The following PDGFB variants were observed in gnomAD, a reference collection of about 807,000 sequenced individuals.
PDGFB encodes platelet-derived growth factor subunit B.
In PDGFB, 6 loss-of-function variants were observed where a neutral mutation model predicts 29.0. That is an observed-to-expected ratio of 0.21 (90% CI 0.11 to 0.41). The LOEUF (loss-of-function observed/expected upper bound fraction) is 0.41, where lower values mean the gene tolerates loss of function less well. Ranked by LOEUF, PDGFB falls within the 10% of genes least tolerant of loss-of-function variation. The probability of loss-of-function intolerance (pLI) is 1.00; values close to 1 mark genes in which losing one functional copy is unlikely to be tolerated. For synonymous variants in PDGFB, 144 were observed against 140.8 expected, an observed-to-expected ratio of 1.02 and a Z score of -0.16; for missense variants, 299 against 341.8, an observed-to-expected ratio of 0.87 and a Z score of 0.99.
At chr22:39,233,346 G>C (rs181342745) in intron 3 of PDGFB, 89 bp downstream of exon 3, 3 of 905,760 alleles carry the variant, frequency 3.3e-6, no homozygotes, top group Non-Finnish European at 5.1e-6. Context: ...GAGGACCCTC[G>C]GGGCCCTCCG....
chr22:39,240,973 AC>A, intron 1 of PDGFB: 1 of 1,325,808 alleles, frequency 7.5e-7, no homozygotes, highest in Non-Finnish European at 1.1e-6. Flanking sequence ...TGGCTCTTGC[AC>A]CAGATCCTCC....
intron 3 of PDGFB, among the ~76,000 whole-genome samples, chr22:39,232,570 A>G (rs1289093271): frequency 2.0e-5 from 3 of 151,624 alleles, no homozygotes; most frequent in Non-Finnish European, 4.4e-5. Context: ...GCTAACTGCA[A>G]CCTCCGCCTC....
intron 1 of PDGFB, among the ~76,000 whole-genome samples, chr22:39,239,169 CATT>C (rs943554857): frequency 1.1e-4 from 17 of 152,336 alleles, no homozygotes; most frequent in Admixed American, 3.9e-4. Context: ...CTGTCATCAT[CATT>C]AATTCTTTCC....
intron 3 of PDGFB, among the ~76,000 whole-genome samples, chr22:39,233,137 A>G (rs554427338): frequency 2.0e-5 from 3 of 152,194 alleles, no homozygotes; most frequent in Non-Finnish European, 4.4e-5. Context: ...TCTGGGCCCC[A>G]GTTTCCAACT....
intron 5 of PDGFB, among the ~76,000 whole-genome samples, chr22:39,227,048 TC>T: frequency 1.3e-5 from 2 of 152,270 alleles, no homozygotes; most frequent in Non-Finnish European, 2.9e-5. Context: ...AACCTCCACC[TC>T]GCAGGTTCAA....
At chr22:39,239,067 T>C (rs1932509138) in intron 1 of PDGFB, among the ~76,000 whole-genome samples, 1 of 152,224 alleles carries the variant, frequency 6.6e-6, no homozygotes, top group Non-Finnish European at 1.5e-5. Flanking sequence ...ATCTTTTAAA[T>C]GGGGCTAATA....
chr22:39,230,076 G>A lies in PDGFB; in HGVS notation c.601+8C>T. 6.2e-7 allele frequency: 1 copy of A among 1,613,322 alleles called. No individual in the cohort carries two copies. Among genetic ancestry groups the A allele is most frequent in the Non-Finnish European group, 8.5e-7 (1 of 1,179,742 alleles). On this transcript the variant is annotated splice_region_variant and intron_variant, in intron 5 of 6. Transcript: ENST00000331163. The stretch of plus-strand genomic sequence containing the variant: ...GGGGCTGAGGGCTGAGCCTGGAAAG[G>A]TGGTTACCTCGCTGCTCCTGGGAAC...
chr22:39,226,549 T>A (rs531963133), intron 5 of PDGFB, among the ~76,000 whole-genome samples: 1 of 152,156 alleles, frequency 6.6e-6, no homozygotes, highest in Non-Finnish European at 1.5e-5. Flanking sequence ...GAGGGGCCAA[T>A]AGAACTGCCC....
chr22:39,241,899 C>A (rs1932575699), intron 1 of PDGFB, among the ~76,000 whole-genome samples: 1 of 151,666 alleles, frequency 6.6e-6, no homozygotes, highest in African/African-American at 2.4e-5. Context: ...GGGCGTCGGG[C>A]TGACGAGGCA....
intron 5 of PDGFB, among the ~76,000 whole-genome samples, chr22:39,229,551 G>A (rs1001047125): frequency 2.6e-5 from 4 of 152,168 alleles, no homozygotes; most frequent in South Asian, 2.1e-4. Flanking sequence ...GCTCACTATC[G>A]GAAGTTGATG....
chr22:39,242,953 A>T lies in PDGFB; in HGVS notation c.63+948T>A, dbSNP rs1932603556. 1 of 231,860 alleles carries T rather than the reference A, an allele frequency of 4.3e-6. No homozygotes were observed. 14.4% of individuals were successfully genotyped at this position (231,860 alleles called of 1,614,324 possible). ...GGATTCCGGGTAGACTTGCCAACTC[A>T]CGGCTACGTGAGGCTGGGAGGGGTG... is the stretch of plus-strand genomic sequence containing the variant. On this transcript the variant is annotated intron_variant, in intron 1 of 6. Coordinates refer to ENST00000331163, the MANE Select transcript of PDGFB (RefSeq NM_002608.4). This position sits in a 1 kb window ranked among gnomAD's most constrained non-coding sequence, Gnocchi z 5.7.
intron 1 of PDGFB, among the ~76,000 whole-genome samples, chr22:39,236,472 G>A (rs999648031): frequency 3.3e-5 from 5 of 152,230 alleles, no homozygotes; most frequent in Admixed American, 2.0e-4. Context: ...CGAAAGAGGC[G>A]AAAAGGGAAT....
At chr22:39,236,585 C>T (rs1932448596) in intron 1 of PDGFB, among the ~76,000 whole-genome samples, 1 of 152,236 alleles carries the variant, frequency 6.6e-6, no homozygotes, top group Non-Finnish European at 1.5e-5. Flanking sequence ...TACTCGAAAC[C>T]TGATAACACT....
intron 1 of PDGFB, chr22:39,241,177 A>T: frequency 2.0e-6 from 1 of 503,484 alleles, no homozygotes; most frequent in Non-Finnish European, 3.6e-6. Flanking sequence ...CCCTCCTGGA[A>T]GCCAGCTCAG....
Position 39,231,608 on chromosome 22 carries a change from C to A in PDGFB, c.456+14G>T, listed in dbSNP as rs765610838. ...CACCGGGACCAGCCTCGGGGGGCCG[C>A]GGAGCCTACGCACCTGGACAGGTCG... On this transcript the variant is annotated intron_variant, in intron 4 of 6. Transcript: ENST00000331163. This position sits in a 1 kb window ranked among gnomAD's most constrained non-coding sequence, Gnocchi z 4.3. The A allele has an allele frequency of 3.3e-6, 5 of 1,534,040 alleles. No individual in the cohort carries two copies. Among genetic ancestry groups the A allele is most frequent in the Non-Finnish European group, 4.4e-6 (5 of 1,138,648 alleles).
chr22:39,236,410 C>T (rs896953635), intron 1 of PDGFB, among the ~76,000 whole-genome samples: 8 of 152,334 alleles, frequency 5.3e-5, no homozygotes, highest in East Asian at 1.9e-4. Flanking sequence ...GTGCAGAGTG[C>T]GATGGCCTCA....
chr22:39,226,329 T>C (rs2285097), intron 5 of PDGFB, among the ~76,000 whole-genome samples: 56,597 of 152,042 alleles, frequency 0.37, 11,080 homozygotes, highest in Middle Eastern at 0.49. Flanking sequence ...GGGCTGGCAG[T>C]TCTCACCTTC....
Position 39,233,364 on chromosome 22 carries a change from G to A in PDGFB, c.250+71C>T, listed in dbSNP as rs546380742. 6.6e-4 allele frequency: 787 copies of A among 1,192,204 alleles called. 3 individuals carry two copies. Among genetic ancestry groups the A allele is most frequent in the Non-Finnish European group, 8.6e-4 (714 of 833,718 alleles). The allele number at this position is 1,192,204 out of a possible 1,614,324, so 73.9% of individuals were successfully genotyped here. On this transcript the variant is annotated intron_variant, in intron 3 of 6. Coordinates refer to ENST00000331163, the MANE Select transcript of PDGFB (RefSeq NM_002608.4). ...GACCCTCGGGGCCCTCCGACTGGCTGCCCGCCCCCGTTCTCTTTCCCTGGC... is the reference window on the plus strand; with the variant it reads ...GACCCTCGGGGCCCTCCGACTGGCTACCCGCCCCCGTTCTCTTTCCCTGGC...
intron 1 of PDGFB, among the ~76,000 whole-genome samples, chr22:39,239,409 T>G (rs1932516609): frequency 1.4e-5 from 2 of 143,370 alleles, no homozygotes; most frequent in African/African-American, 2.5e-5. Context: ...TGGGGGTGGG[T>G]GAGGGTGGGG....
Sources: gnomAD v4.1 joint callset for allele counts (sites outside exome capture counted in the v4.1 genomes callset) on GRCh38, gnomAD v4.1.1 for gene constraint, Gnocchi (gnomAD v3.1) non-coding constraint, MANE v1.5 for transcripts, NCBI Gene and HGNC (gene_info 2026-07-23, HGNC 2026-07-21) for gene names.